The following TPO variants were observed in gnomAD, a reference collection of about 807,000 sequenced individuals.
TPO encodes thyroid microsomal antigen.
TPO carries 78 observed loss-of-function variants against 96.9 expected under a neutral mutation model. The observed-to-expected ratio is 0.81, with a 90% CI of 0.67 to 0.97. The LOEUF (loss-of-function observed/expected upper bound fraction) is 0.97. Ranked by LOEUF, TPO falls within the 50% of genes least tolerant of loss-of-function variation. The probability of loss-of-function intolerance (pLI) is 0.00; values close to 1 mark genes in which losing one functional copy is unlikely to be tolerated. For synonymous variants in TPO, 547 were observed against 538.0 expected (o/e 1.02, Z -0.23); for missense variants, 1,252 against 1,274.8 (o/e 0.98, Z 0.27).
chr2:1,380,249 C>T (rs1661787675), intron 1 of TPO, among the ~76,000 whole-genome samples: 1 of 152,006 alleles, frequency 6.6e-6, no homozygotes, highest in Admixed American at 6.6e-5. Flanking sequence ...AAAAAATTAG[C>T]AGGGCGTGGT....
chr2:1,537,200 TCCC>T (rs1214723563), intron 15 of TPO, among the ~76,000 whole-genome samples: 5 of 32,036 alleles, frequency 1.6e-4, no homozygotes, highest in South Asian at 1.1e-3. Flanking sequence ...CCTCCCCAAA[TCCC>T]CCCACTGTGT....
chr2:1,511,813 C>T (rs80045880), intron 14 of TPO, among the ~76,000 whole-genome samples: 1,686 of 152,304 alleles, frequency 0.011, 29 homozygotes, highest in African/African-American at 0.039. Flanking sequence ...TTCTGAGGCC[C>T]AGGGTGTTGG....
chr2:1,531,865 C>G (rs1373675281), intron 15 of TPO, among the ~76,000 whole-genome samples: 1 of 98,280 alleles, frequency 1.0e-5, no homozygotes, highest in African/African-American at 3.8e-5. Flanking sequence ...ATCCCTCACA[C>G]TGTGTGCAAC....
At chr2:1,477,765 G>A (rs1347109761) in intron 8 of TPO, 161 bp downstream of exon 8, 1 of 985,418 alleles carries the variant, frequency 1.0e-6, no homozygotes, top group Non-Finnish European at 1.2e-6. Context: ...GTGTGGGTGC[G>A]CAGTCCTGCT....
At chr2:1,494,830 CAG>C (rs1403109569) in intron 11 of TPO, among the ~76,000 whole-genome samples, 2 of 152,134 alleles carry the variant, frequency 1.3e-5, no homozygotes, top group Non-Finnish European at 2.9e-5. Flanking sequence ...GTGTTCTTCC[CAG>C]AGAGTGCACC....
chr2:1,535,298 C>A (rs1348394078), intron 15 of TPO, among the ~76,000 whole-genome samples: 1 of 131,238 alleles, frequency 7.6e-6, no homozygotes, highest in African/African-American at 2.9e-5. Flanking sequence ...CTCCTCAAAT[C>A]CCTGTACTGT....
intron 9 of TPO, among the ~76,000 whole-genome samples, chr2:1,485,912 T>C (rs181966749): frequency 2.0e-5 from 3 of 152,316 alleles, no homozygotes; most frequent in African/African-American, 4.8e-5. Flanking sequence ...TAATTAGATC[T>C]CATTTGTCAA....
chr2:1,519,257 A>AT (rs1256653873), intron 15 of TPO, among the ~76,000 whole-genome samples: 2 of 152,144 alleles, frequency 1.3e-5, no homozygotes, highest in African/African-American at 4.8e-5. Flanking sequence ...GATTGTGTCC[A>AT]TTTTCAGTGT....
At chr2:1,396,873 T>C (rs1662089780) in intron 1 of TPO, among the ~76,000 whole-genome samples, 1 of 152,242 alleles carries the variant, frequency 6.6e-6, no homozygotes, top group Non-Finnish European at 1.5e-5. Context: ...CGCAGAAGTT[T>C]AATAGATGCG....
At chr2:1,516,769 T>G in intron 14 of TPO, 114 bp from the exon 15 acceptor site, 1 of 912,722 alleles carries the variant, frequency 1.1e-6, no homozygotes, top group South Asian at 1.3e-5. Context: ...TGCGTCATGC[T>G]GTGGGGTGAA....
intron 1 of TPO, among the ~76,000 whole-genome samples, chr2:1,395,660 C>T (rs567027798): frequency 5.9e-5 from 9 of 152,204 alleles, no homozygotes; most frequent in African/African-American, 2.2e-4. Context: ...TCCCATAATC[C>T]CCATGTCAAG....
rs183397162 is a variant in TPO at position 1,388,524 on chromosome 2, A to G, written n.180+14122A>G. Among the ~76,000 whole-genome samples, 10 of 152,288 alleles carry G rather than the reference A, an allele frequency of 6.6e-5. No individual in the cohort carries two copies. In the East Asian group the frequency reaches 1.9e-3, roughly 29 times the overall value. On this transcript the variant is annotated intron_variant and non_coding_transcript_variant, in intron 1 of 5. Transcript: ENST00000497517. ...CCCTCCGAGCCAGGCGTAGGGTATA[A>G]TCTCCTGGTGTGCCGTTTGCTAAGA...
intron 8 of TPO, among the ~76,000 whole-genome samples, chr2:1,481,283 C>G (rs1670616580): frequency 6.6e-6 from 1 of 152,226 alleles, no homozygotes; most frequent in Admixed American, 6.5e-5. Context: ...GGAAACCCTT[C>G]CCAGCACAGG....
intron 14 of TPO, among the ~76,000 whole-genome samples, chr2:1,516,179 C>A (rs1363993297): frequency 6.6e-6 from 1 of 152,122 alleles, no homozygotes; most frequent in Non-Finnish European, 1.5e-5. Context: ...TTCCTCAGGC[C>A]CCTCACCAGA....
rs908677854 is a variant in TPO, at chr2:1,478,380, G to A, written c.1338+776G>A. On this transcript the variant is annotated intron_variant, in intron 8 of 16. Coordinates refer to ENST00000329066, the MANE Select transcript of TPO (RefSeq NM_001206744.2). The stretch of plus-strand genomic sequence containing the variant: ...CTGTGGCGGCCTGGGCATCGTGTCT[G>A]CAGTCCTAGCCGGGAGCCTGCAGGG... 4.5e-5 allele frequency: 44 copies of A among 985,470 alleles called. No individual in the cohort carries two copies. In the South Asian group the frequency reaches 8.9e-4, roughly 20 times the overall value. The allele number at this position is 985,470 out of a possible 1,614,324, so 61.0% of individuals were successfully genotyped here. A position where few individuals can be genotyped will look rare whatever the true frequency, so the allele number is the denominator to read the frequency against.
chr2:1,539,601 G>A (rs28915668), intron 15 of TPO, among the ~76,000 whole-genome samples: 1 of 152,296 alleles, frequency 6.6e-6, no homozygotes, highest in East Asian at 1.9e-4. Flanking sequence ...GACTTTGCTG[G>A]CGGTGCTGGA....
intron 2 of TPO, among the ~76,000 whole-genome samples, chr2:1,420,286 G>A (rs559328933): frequency 6.6e-6 from 1 of 152,316 alleles, no homozygotes; most frequent in African/African-American, 2.4e-5. Context: ...TAGTAGAGAA[G>A]GATAAGCATG....
At chr2:1,433,714 A>C (rs1665266562) in intron 4 of TPO, 107 bp downstream of exon 4, 1 of 1,323,178 alleles carries the variant, frequency 7.6e-7, no homozygotes, top group Non-Finnish European at 1.1e-6. Context: ...CTTGAGACCA[A>C]GCAGGATGGG....
intron 8 of TPO, 104 bp downstream of exon 8, chr2:1,477,708 A>G (rs1310691781): frequency 7.2e-7 from 1 of 1,384,516 alleles, no homozygotes; most frequent in Non-Finnish European, 9.4e-7. Flanking sequence ...GTACTTGCAC[A>G]GCCATCATGG....
Sources: gnomAD v4.1 joint callset for allele counts (sites outside exome capture counted in the v4.1 genomes callset) on GRCh38, gnomAD v4.1.1 for gene constraint, MANE v1.5 for transcripts, NCBI Gene and HGNC (gene_info 2026-07-23, HGNC 2026-07-21) for gene names.